Variants in TF observed in about 807,000 individuals in gnomAD.
The protein encoded by TF is transferrin.
A neutral mutation model predicts 82.4 loss-of-function variants in TF; 55 were observed. That is an observed-to-expected ratio of 0.67 (90% CI 0.54 to 0.84). The LOEUF is 0.84. Ranked by LOEUF, TF falls within the 40% of genes least tolerant of loss-of-function variation. The pLI is 0.00. For missense variants in TF, 737 were observed against 868.4 expected (o/e 0.85, Z 1.90); for synonymous variants, 332 against 332.6 (o/e 1.00, Z 0.02).
intron 2 of TF, among the ~76,000 whole-genome samples, chr3:133,749,543 A>G (rs2107908499): frequency 6.6e-6 from 1 of 152,292 alleles, no homozygotes; most frequent in African/African-American, 2.4e-5. Context: ...TCTGACAGGG[A>G]CTCACAGAAA....
At chr3:133,739,669 A>G in the TF span, among the ~76,000 whole-genome samples, 2 of 152,260 alleles carry the variant, frequency 1.3e-5, no homozygotes, top group African/African-American at 2.4e-5. Context: ...ACAACCATCA[A>G]AAAGTGGGCA....
At chr3:133,688,364 AGTTAAGT>A in the TF span, 1 of 152,296 alleles carries the variant, frequency 6.6e-6, no homozygotes, top group Non-Finnish European at 1.5e-5. Context: ...AAGCCATCAC[AGTTAAGT>A]CACTGCTGCC....
At chr3:133,680,881 C>G in the TF span, among the ~76,000 whole-genome samples, 1 of 152,158 alleles carries the variant, frequency 6.6e-6, no homozygotes, top group Admixed American at 6.6e-5. Flanking sequence ...ATTTAATTCC[C>G]TGACAGTTTT....
At chr3:133,697,309 T>C in the TF span, among the ~76,000 whole-genome samples, 52 of 152,296 alleles carry the variant, frequency 3.4e-4, no homozygotes, top group African/African-American at 1.2e-3. Flanking sequence ...TACACTGGTT[T>C]GTTAGCATTT....
chr3:133,684,876 C>T, the TF span, among the ~76,000 whole-genome samples: 1 of 152,126 alleles, frequency 6.6e-6, no homozygotes, highest in African/African-American at 2.4e-5. Context: ...CATCCTGATA[C>T]CAAAGCCTGG....
chr3:133,730,960 CCTAT>C, the TF span, among the ~76,000 whole-genome samples: 1 of 152,136 alleles, frequency 6.6e-6, no homozygotes, highest in African/African-American at 2.4e-5. Context: ...ACTTAAAAGG[CCTAT>C]CTGTGAGGAA....
Position 133,783,435 on chromosome 3 carries a change from G to A in TF, c.*4815G>A, listed in dbSNP as rs1934566113. 2 of 152,140 alleles carry A rather than the reference G, an allele frequency of 1.3e-5. No homozygotes were observed. The highest frequency in any genetic ancestry group is 2.1e-4 in the South Asian group (1 of 4,808). The allele number at this position is 152,140 out of a possible 1,614,324, so 9.4% of individuals were successfully genotyped here. A position where few individuals can be genotyped will look rare whatever the true frequency, so the allele number is the denominator to read the frequency against. Reference sequence around the variant, plus strand: ...AAATCTCGTGGACCTCCAACTTACCGGTTAAAGTAAAAACTTTCGAAACGT... The same window carrying A: ...AAATCTCGTGGACCTCCAACTTACCAGTTAAAGTAAAAACTTTCGAAACGT... On this transcript the variant is annotated 3_prime_UTR_variant, in exon 17 of 17. Transcript: ENST00000402696.
intron 2 of TF, among the ~76,000 whole-genome samples, chr3:133,750,740 A>C (rs149151053): frequency 0.015 from 2,296 of 152,198 alleles, 31 homozygotes; most frequent in South Asian, 0.022. Flanking sequence ...CCCCACTGCA[A>C]TGGGCAAAGC....
rs1413834862 is a variant in TF, at chr3:133,782,729, G to A, written c.*4109G>A. On this transcript the variant is annotated 3_prime_UTR_variant, in exon 17 of 17. Coordinates refer to ENST00000402696, the MANE Select transcript of TF (RefSeq NM_001063.4). ...CCAGGACTTTGGGAGGCAGAGGTGG[G>A]CAGATTGCTTGAGTCCAGGAGTTTG... The A allele has an allele frequency of 2.0e-5, 3 of 150,612 alleles. No individual in the cohort carries two copies. The highest frequency in any genetic ancestry group is 7.4e-5 in the African/African-American group (3 of 40,756). 9.3% of individuals were successfully genotyped at this position (150,612 alleles called of 1,614,324 possible).
At chr3:133,719,109 A>G in the TF span, among the ~76,000 whole-genome samples, 1 of 152,122 alleles carries the variant, frequency 6.6e-6, no homozygotes. Context: ...CCAGAGAAAC[A>G]TTTTTCATGG....
chr3:133,706,908 T>G, the TF span, among the ~76,000 whole-genome samples: 1 of 152,334 alleles, frequency 6.6e-6, no homozygotes, highest in South Asian at 2.1e-4. Context: ...ACCTCATCCC[T>G]CTCTGCTGTC....
At chr3:133,757,609 G>T (rs533848603) in intron 7 of TF, among the ~76,000 whole-genome samples, 160 bp from the exon 8 acceptor site, 2 of 152,366 alleles carry the variant, frequency 1.3e-5, no homozygotes, top group South Asian at 4.1e-4. Flanking sequence ...TACAGGCAGA[G>T]GAAGTGCTGG....
chr3:133,677,142 G>A, the TF span, among the ~76,000 whole-genome samples: 1 of 152,228 alleles, frequency 6.6e-6, no homozygotes, highest in African/African-American at 2.4e-5. Context: ...TCCTTTCTCA[G>A]CTTCTTGCCC....
chr3:133,750,923 G>A (rs1226444577), intron 2 of TF, among the ~76,000 whole-genome samples: 1 of 152,122 alleles, frequency 6.6e-6, no homozygotes, highest in Admixed American at 6.5e-5. Context: ...ACTGGGGAAG[G>A]GAAGGTGTTT....
chr3:133,777,424 G>A (rs1254406575), intron 16 of TF, 186 bp downstream of exon 16: 1 of 611,460 alleles, frequency 1.6e-6, no homozygotes, highest in East Asian at 2.8e-5. Flanking sequence ...CAGATAGTAA[G>A]GGGATACAGG....
At chr3:133,697,000 C>T in the TF span, among the ~76,000 whole-genome samples, 2 of 152,136 alleles carry the variant, frequency 1.3e-5, no homozygotes, top group African/African-American at 4.8e-5. Context: ...ATAATGTCTG[C>T]TACTTGAGGA....
At chr3:133,737,196 A>C in the TF span, among the ~76,000 whole-genome samples, 5 of 152,248 alleles carry the variant, frequency 3.3e-5, no homozygotes, top group Non-Finnish European at 7.3e-5. Context: ...GAAACTGAGC[A>C]ACCTGTTCCT....
chr3:133,697,649 T>C, the TF span, among the ~76,000 whole-genome samples: 9 of 152,366 alleles, frequency 5.9e-5, no homozygotes, highest in Admixed American at 5.2e-4. Context: ...GCTGCCCCCC[T>C]GGGCCTTTGA....
At position 133,784,229 on chromosome 3, in the gene TF, AAAGAGAAGTGT is replaced by A. The variant is rs1319331319; in HGVS notation, c.*5614_*5624del. ...CCTTCTACCAGACGCTGGTGCTGGA[AAAGAGAAGTGT>A]AAGAATAACTTGCGCCATTAGGCCC... On this transcript the variant is annotated 3_prime_UTR_variant, in exon 17 of 17. Transcript: ENST00000402696. 1.3e-5 allele frequency: 2 copies of A among 152,288 alleles called. No individual in the cohort carries two copies. The highest frequency in any genetic ancestry group is 2.9e-5 in the Non-Finnish European group (2 of 68,096). 9.4% of individuals were successfully genotyped at this position (152,288 alleles called of 1,614,324 possible). A position where few individuals can be genotyped will look rare whatever the true frequency, so the allele number is the denominator to read the frequency against.
Sources: gnomAD v4.1 joint callset for allele counts (sites outside exome capture counted in the v4.1 genomes callset) on GRCh38, gnomAD v4.1.1 for gene constraint, MANE v1.5 for transcripts, NCBI Gene and HGNC (gene_info 2026-07-23, HGNC 2026-07-21) for gene names.